Variants in TRPC4 observed in about 807,000 individuals in gnomAD.
The protein encoded by TRPC4 is short transient receptor potential channel 4.
In TRPC4, 49 loss-of-function variants were observed where a neutral mutation model predicts 99.4. The observed-to-expected ratio is 0.49, with a 90% CI of 0.39 to 0.63. The LOEUF (loss-of-function observed/expected upper bound fraction) is 0.63, where lower values mean the gene tolerates loss of function less well. Ranked by LOEUF, TRPC4 falls within the 20% of genes least tolerant of loss-of-function variation. The pLI is 0.00. For synonymous variants in TRPC4, 454 were observed against 425.9 expected (o/e 1.07, Z -0.81); for missense variants, 898 against 1,152.9 (o/e 0.78, Z 3.20).
chr13:37,670,650 G>A (rs1475136003), intron 5 of TRPC4, among the ~76,000 whole-genome samples: 1 of 152,078 alleles, frequency 6.6e-6, no homozygotes, highest in Non-Finnish European at 1.5e-5. Flanking sequence ...TATGTTCACT[G>A]CTCTATTTCA....
In TRPC4 at chr13:37,745,463, TATATATATATACACAC is replaced by T. The variant is rs1317807265; in HGVS notation, c.897+458_897+473del. Among the ~76,000 whole-genome samples the T allele has an allele frequency of 4.5e-3, 207 of 46,170 alleles. 11 individuals are homozygous for T. Among genetic ancestry groups the T allele is most frequent in the African/African-American group, 0.015 (173 of 11,194 alleles). 30.3% of individuals were successfully genotyped at this position (46,170 alleles called of 152,430 possible). On this transcript the variant is annotated intron_variant, in intron 3 of 10. Transcript: ENST00000379705. ...ATATATATATATATATATATATATA[TATATATATATACACAC>T]ACACACACACTTATATATACGTATA...
intron 3 of TRPC4, among the ~76,000 whole-genome samples, chr13:37,693,526 T>C (rs570240969): frequency 6.6e-6 from 1 of 152,314 alleles, no homozygotes; most frequent in African/African-American, 2.4e-5. Flanking sequence ...AACTCCACAT[T>C]TCCCATCTTT....
intron 1 of TRPC4, among the ~76,000 whole-genome samples, chr13:37,784,067 T>C (rs1398516553): frequency 1.3e-5 from 2 of 152,092 alleles, no homozygotes; most frequent in Non-Finnish European, 2.9e-5. Context: ...ACAACATTAA[T>C]GTCAATAAAA....
At chr13:37,639,958 T>A (rs2138535283) in intron 8 of TRPC4, among the ~76,000 whole-genome samples, 1 of 152,094 alleles carries the variant, frequency 6.6e-6, no homozygotes, top group South Asian at 2.1e-4. Context: ...AGGGCAGTGA[T>A]TTGGGATTGT....
At chr13:37,668,123 T>G (rs1191211569) in intron 5 of TRPC4, among the ~76,000 whole-genome samples, 5 of 152,184 alleles carry the variant, frequency 3.3e-5, no homozygotes. Flanking sequence ...AGTAATCCTT[T>G]AGGAAGAAAT....
Position 37,855,337 on chromosome 13 carries a change from G to GATATATATATATATATAT in TRPC4, c.-28+14240_-28+14257dup, listed in dbSNP as rs59525799. ...TACACATGTAGATATATACAATGTA[G>GATATATATATATATATAT]ATATATATATATATATATATGCACC... On this transcript the variant is annotated intron_variant, in intron 1 of 10. Coordinates refer to ENST00000379705, the MANE Select transcript of TRPC4 (RefSeq NM_016179.4). Among the ~76,000 whole-genome samples the GATATATATATATATATAT allele has an allele frequency of 1.3e-3, 172 of 136,562 alleles. 4 individuals are homozygous for GATATATATATATATATAT. The highest frequency in any genetic ancestry group is 7.6e-3 in the Middle Eastern group (2 of 264). 89.6% of individuals were successfully genotyped at this position (136,562 alleles called of 152,430 possible). A position where few individuals can be genotyped will look rare whatever the true frequency, so the allele number is the denominator to read the frequency against.
At chr13:37,815,242 C>T (rs919516470) in intron 1 of TRPC4, among the ~76,000 whole-genome samples, 24 of 151,690 alleles carry the variant, frequency 1.6e-4, no homozygotes, top group African/African-American at 5.6e-4. Flanking sequence ...TAATGACACA[C>T]TGATACAATC....
chr13:37,854,109 C>CAACT (rs1317663386), intron 1 of TRPC4, among the ~76,000 whole-genome samples: 30 of 151,986 alleles, frequency 2.0e-4, no homozygotes, highest in Admixed American at 2.0e-3. Flanking sequence ...AAGCCAAAGA[C>CAACT]AACTACCTTG....
At chr13:37,673,600 G>T (rs769392128) in intron 5 of TRPC4, among the ~76,000 whole-genome samples, 1 of 151,868 alleles carries the variant, frequency 6.6e-6, no homozygotes, top group African/African-American at 2.4e-5. Flanking sequence ...ACCCAACAAA[G>T]TACAAAATAA....
At chr13:37,847,088 T>C (rs1241171007) in intron 1 of TRPC4, among the ~76,000 whole-genome samples, 1 of 151,968 alleles carries the variant, frequency 6.6e-6, no homozygotes, top group Admixed American at 6.6e-5. Flanking sequence ...AGAAAGATAC[T>C]ATAATAATAG....
At chr13:37,713,771 A>G (rs2138997415) in intron 3 of TRPC4, among the ~76,000 whole-genome samples, 1 of 152,294 alleles carries the variant, frequency 6.6e-6, no homozygotes, top group East Asian at 1.9e-4. Flanking sequence ...TAGAGGGTCA[A>G]GTAGAGGAAT....
chr13:37,762,652 G>A (rs1428955693), intron 2 of TRPC4, among the ~76,000 whole-genome samples: 1 of 144,806 alleles, frequency 6.9e-6, no homozygotes, highest in African/African-American at 2.6e-5. Flanking sequence ...TCACTCACAT[G>A]TGGGAATTGA....
At chr13:37,731,188 G>A (rs1570607) in intron 3 of TRPC4, among the ~76,000 whole-genome samples, 14,943 of 151,916 alleles carry the variant, frequency 0.098, 844 homozygotes, top group Admixed American at 0.18. Context: ...TTAGCTGTTC[G>A]AAATAATCTA....
intron 8 of TRPC4, among the ~76,000 whole-genome samples, chr13:37,642,299 T>C (rs1444698945): frequency 6.6e-6 from 1 of 152,124 alleles, no homozygotes; most frequent in African/African-American, 2.4e-5. Context: ...TATGTGAGCG[T>C]TGATATAGAA....
In TRPC4 at chr13:37,639,096, C is replaced by T; in HGVS notation, c.2155G>A (p.Ala719Thr). 6.2e-7 allele frequency: 1 copy of T among 1,613,704 alleles called. No homozygotes were observed. Among genetic ancestry groups the T allele is most frequent in the Non-Finnish European group, 8.5e-7 (1 of 1,179,660 alleles). The change falls in exon 10 of 11, where the codon GCT becomes ACT. Residue 719 changes from alanine to threonine, a missense_variant. Coordinates refer to ENST00000379705, the MANE Select transcript of TRPC4 (RefSeq NM_016179.4). ...GTTTTAGCATCTCTAATCATTGCAG[C>T]AACGTATCGCTTCACCAGGTTCCTC... ...VMRNLVKRYV[A>T]AMIRDAKTEE...
intron 3 of TRPC4, among the ~76,000 whole-genome samples, chr13:37,721,464 A>T (rs1384279068): frequency 6.6e-6 from 1 of 152,116 alleles, no homozygotes; most frequent in Non-Finnish European, 1.5e-5. Flanking sequence ...ATACTATGCC[A>T]TTTTTAGTAG....
rs80112657 is a variant in TRPC4, at chr13:37,767,102, T to C, written c.378+15854A>G. Among the ~76,000 whole-genome samples the C allele has an allele frequency of 6.9e-3, 1,047 of 151,496 alleles. 8 individuals are homozygous for C. Among genetic ancestry groups the C allele is most frequent in the African/African-American group, 0.024 (996 of 41,472 alleles). On this transcript the variant is annotated intron_variant, in intron 2 of 10. Coordinates refer to ENST00000379705, the MANE Select transcript of TRPC4 (RefSeq NM_016179.4). ...GAACACTGCATAATTAATGATTTTC[T>C]GAGAAACATATCTATATTTATGTTT...
intron 1 of TRPC4, among the ~76,000 whole-genome samples, chr13:37,804,470 T>C (rs1025604605): frequency 6.6e-6 from 1 of 152,068 alleles, no homozygotes. Context: ...TATCAGCTCT[T>C]ATAAAAAGAA....
At chr13:37,825,994 T>C (rs1342327651) in intron 1 of TRPC4, among the ~76,000 whole-genome samples, 3 of 138,254 alleles carry the variant, frequency 2.2e-5, no homozygotes, top group East Asian at 4.9e-4. Context: ...TAGTTAGCTC[T>C]TCTTGTTGAA....
Sources: allele counts gnomAD v4.1 joint callset (sites outside exome capture counted in the v4.1 genomes callset), GRCh38; gene constraint gnomAD v4.1.1; transcripts MANE v1.5; gene names NCBI Gene and HGNC (gene_info 2026-07-23, HGNC 2026-07-21).